XKR4: variants seen among roughly 807,000 people sequenced by gnomAD.
XKR4 encodes XK related 4, also known as XK-related protein 4.
In XKR4, 12 loss-of-function variants were observed where a neutral mutation model predicts 53.9. That is an observed-to-expected ratio of 0.22 (90% confidence interval 0.14 to 0.36). XKR4 has a LOEUF of 0.36. XKR4 is among the 10% of genes least tolerant of loss of function. The probability of loss-of-function intolerance (pLI) is 1.00; values close to 1 mark genes in which losing one functional copy is unlikely to be tolerated. For synonymous variants in XKR4, 354 were observed against 362.4 expected (o/e 0.98, Z 0.26); for missense variants, 799 against 859.5 (o/e 0.93, Z 0.88).
chr8:55,524,365 A>G lies in XKR4; in HGVS notation c.*138A>G, dbSNP rs923002783. 3 of 878,720 alleles carry G rather than the reference A, an allele frequency of 3.4e-6. No individual in the cohort carries two copies. In the African/African-American group the frequency reaches 5.1e-5, roughly 15 times the overall value. 54.4% of individuals were successfully genotyped at this position (878,720 alleles called of 1,614,324 possible). On this transcript the variant is annotated 3_prime_UTR_variant, in exon 3 of 3. Coordinates refer to ENST00000327381, the MANE Select transcript of XKR4 (RefSeq NM_052898.2). The stretch of plus-strand genomic sequence containing the variant: ...GGACCGTCATCACCATTATCATTTG[A>G]TCCTGTCGGCTGGGGGCGGCTGGTC...
intron 1 of XKR4, among the ~76,000 whole-genome samples, chr8:55,284,216 A>G (rs1041193653): frequency 7.2e-5 from 11 of 152,220 alleles, no homozygotes; most frequent in African/African-American, 2.7e-4. Context: ...AATTATATCA[A>G]TAAATTTACT....
chr8:55,273,393 A>C (rs971403906), intron 1 of XKR4, among the ~76,000 whole-genome samples: 5 of 152,230 alleles, frequency 3.3e-5, no homozygotes, highest in Non-Finnish European at 7.3e-5. Context: ...AGTTTAAACA[A>C]AGATGGTAAC....
chr8:55,130,431 G>A (rs1264569178), intron 1 of XKR4, among the ~76,000 whole-genome samples: 4 of 152,230 alleles, frequency 2.6e-5, no homozygotes, highest in Non-Finnish European at 5.9e-5. Context: ...AAGGGGCTGT[G>A]TGCCTGGAGC....
At chr8:55,375,198 T>A (rs1453177058) in intron 2 of XKR4, among the ~76,000 whole-genome samples, 2 of 152,196 alleles carry the variant, frequency 1.3e-5, no homozygotes, top group African/African-American at 4.8e-5. Flanking sequence ...GGAAAATAAT[T>A]TTAAAGATCT....
chr8:55,465,937 A>G (rs1374625120), intron 2 of XKR4, among the ~76,000 whole-genome samples: 4 of 152,120 alleles, frequency 2.6e-5, no homozygotes, highest in Non-Finnish European at 5.9e-5. Context: ...CCACAATGAG[A>G]TACCATCTCA....
chr8:55,297,044 T>C (rs1819110879), intron 1 of XKR4, among the ~76,000 whole-genome samples: 1 of 152,156 alleles, frequency 6.6e-6, no homozygotes, highest in Non-Finnish European at 1.5e-5. Flanking sequence ...TTATAAGCAA[T>C]AGAAAACACA....
At chr8:55,379,596 G>A (rs1804202379) in intron 2 of XKR4, among the ~76,000 whole-genome samples, 1 of 152,244 alleles carries the variant, frequency 6.6e-6, no homozygotes, top group South Asian at 2.1e-4. Flanking sequence ...GGGCATTGCA[G>A]CATTTCCCGG....
At chr8:55,239,701 C>T (rs946492846) in intron 1 of XKR4, among the ~76,000 whole-genome samples, 5 of 152,100 alleles carry the variant, frequency 3.3e-5, no homozygotes, top group African/African-American at 1.2e-4. Context: ...GAAAAATAAC[C>T]AAGTTTATAC....
At chr8:55,403,057 G>A (rs1020658825) in intron 2 of XKR4, among the ~76,000 whole-genome samples, 4 of 152,138 alleles carry the variant, frequency 2.6e-5, no homozygotes, top group East Asian at 1.9e-4. Flanking sequence ...AGATATCATC[G>A]CGGACCTGGT....
intron 1 of XKR4, among the ~76,000 whole-genome samples, chr8:55,283,008 G>C (rs1276850562): frequency 6.6e-6 from 1 of 152,130 alleles, no homozygotes; most frequent in East Asian, 1.9e-4. Flanking sequence ...TACTTACCAT[G>C]GTGTTACAAT....
chr8:55,382,985 G>A (rs1337341508), intron 2 of XKR4, among the ~76,000 whole-genome samples: 3 of 152,132 alleles, frequency 2.0e-5, no homozygotes, highest in Non-Finnish European at 4.4e-5. Context: ...GGCTGAGGCG[G>A]GTGGATCATT....
At chr8:55,416,360 A>G (rs998340085) in intron 2 of XKR4, among the ~76,000 whole-genome samples, 2 of 152,226 alleles carry the variant, frequency 1.3e-5, no homozygotes, top group African/African-American at 4.8e-5. Context: ...CTTTGCAAAC[A>G]TATTTAGGCC....
chr8:55,371,447 C>A (rs898696495), intron 2 of XKR4, among the ~76,000 whole-genome samples: 2 of 152,132 alleles, frequency 1.3e-5, no homozygotes, highest in Non-Finnish European at 2.9e-5. Flanking sequence ...GTACCACAAC[C>A]TATTTTCCTG....
chr8:55,404,911 C>G (rs1242957289), intron 2 of XKR4, among the ~76,000 whole-genome samples: 1 of 152,208 alleles, frequency 6.6e-6, no homozygotes, highest in Non-Finnish European at 1.5e-5. Context: ...TCCTGCCTGA[C>G]AAAGCGACAA....
At chr8:55,221,295 A>G (rs1817877511) in intron 1 of XKR4, among the ~76,000 whole-genome samples, 1 of 152,238 alleles carries the variant, frequency 6.6e-6, no homozygotes, top group African/African-American at 2.4e-5. Context: ...AATTATGTCA[A>G]CCTAATCTCT....
At chr8:55,294,820 G>A (rs967572088) in intron 1 of XKR4, among the ~76,000 whole-genome samples, 19 of 152,090 alleles carry the variant, frequency 1.2e-4, no homozygotes, top group African/African-American at 4.6e-4. Context: ...CTGTGCAATC[G>A]ATGACTCAAG....
chr8:55,471,980 T>A (rs1805891934), intron 2 of XKR4, among the ~76,000 whole-genome samples: 1 of 152,080 alleles, frequency 6.6e-6, no homozygotes. Context: ...TTGATAGCAA[T>A]GAGAGAACAG....
At chr8:55,165,804 C>CAAA (rs536690179) in intron 1 of XKR4, among the ~76,000 whole-genome samples, 2 of 60,476 alleles carry the variant, frequency 3.3e-5, no homozygotes, top group Admixed American at 3.6e-4. Context: ...GACTCCGTCT[C>CAAA]AAAAAAAAAA....
At chr8:55,452,035 G>C (rs1198805094) in intron 2 of XKR4, 1 of 739,286 alleles carries the variant, frequency 1.4e-6, no homozygotes, top group African/African-American at 1.7e-5. Flanking sequence ...TTCCAGGACA[G>C]GGTTCTGAGG....
Sources: gnomAD v4.1 joint callset for allele counts (sites outside exome capture counted in the v4.1 genomes callset) on GRCh38, gnomAD v4.1.1 for gene constraint, MANE v1.5 for transcripts, NCBI Gene and HGNC (gene_info 2026-07-23, HGNC 2026-07-21) for gene names.